Variants in SLC28A3 observed in about 807,000 individuals in gnomAD.
SLC28A3 encodes concentrative Na(+)-nucleoside cotransporter 3.
In SLC28A3, 68 loss-of-function variants were observed where a neutral mutation model predicts 84.2. That is an observed-to-expected ratio of 0.81 (90% CI 0.66 to 0.99). SLC28A3 has a LOEUF of 0.99. Among genes scored for constraint, SLC28A3 ranks in the 50% least tolerant of loss-of-function variants. The pLI is 0.00. For synonymous variants in SLC28A3, 267 were observed against 303.6 expected (o/e 0.88, Z 1.25); for missense variants, 712 against 841.5 (o/e 0.85, Z 1.90).
At chr9:84,358,784 A>C in the SLC28A3 span, among the ~76,000 whole-genome samples, 1 of 152,140 alleles carries the variant, frequency 6.6e-6, no homozygotes, top group African/African-American at 2.4e-5. Flanking sequence ...TGGAAAGAAG[A>C]CATTTTCTAA....
intron 17 of SLC28A3, 34 bp downstream of exon 17, chr9:84,279,231 G>T (rs1222475562): frequency 1.8e-5 from 28 of 1,561,442 alleles, no homozygotes; most frequent in Non-Finnish European, 2.4e-5. Context: ...ATTATTAATG[G>T]AGTATAAAGA....
At position 84,305,269 on chromosome 9, in the gene SLC28A3, C is replaced by T; in HGVS notation, c.319G>A (p.Gly107Ser). Residue 107 changes from glycine to serine, a missense_variant, in exon 4 of 18, where the codon GGC (glycine) becomes AGC (serine). Transcript: ENST00000376238. ...TGTTATTTACCTGCTAATAAAATGC[C>T]CCAGATGATGTGCCGAAGAGTTGTT... ...HKTTLRHIIW[G>S]ILLAGYLVMV... The T allele has an allele frequency of 6.2e-7, 1 of 1,612,966 alleles. No homozygotes were observed. Among genetic ancestry groups the T allele is most frequent in the Non-Finnish European group, 8.5e-7 (1 of 1,179,866 alleles).
rs767396836 is a variant in SLC28A3, at chr9:84,302,481, G to A, written c.335-92C>T. On this transcript the variant is annotated intron_variant, in intron 4 of 17. Transcript: ENST00000376238. ...CTTGTTCTGGCGCAGGTGAGGGGAG[G>A]TTTAATATCATTAAATATCACTGAA... 59 of 1,240,994 alleles carry A rather than the reference G, an allele frequency of 4.8e-5. 2 individuals carry two copies. The highest frequency in any genetic ancestry group is 5.9e-5 in the Non-Finnish European group (53 of 890,930). The allele number at this position is 1,240,994 out of a possible 1,614,324, so 76.9% of individuals were successfully genotyped here. A position where few individuals can be genotyped will look rare whatever the true frequency, so the allele number is the denominator to read the frequency against.
At position 84,280,884 on chromosome 9, in the gene SLC28A3, T is replaced by C. The variant is rs766494782; in HGVS notation, c.1648-2A>G. 1 of 1,614,030 alleles carries C rather than the reference T, an allele frequency of 6.2e-7. No homozygotes were observed. The stretch of plus-strand genomic sequence containing the variant: ...AGTGGCGATTATCTCAGAACGAATC[T>C]GTAAGCAAGCATAAACACATATGTA... On this transcript the variant is annotated splice_acceptor_variant, in intron 14 of 17. Transcript: ENST00000376238. LOFTEE classifies it high-confidence loss of function.
At chr9:84,362,684 A>G in the SLC28A3 span, among the ~76,000 whole-genome samples, 2 of 151,548 alleles carry the variant, frequency 1.3e-5, no homozygotes, top group Admixed American at 6.6e-5. Context: ...TAAATAAATA[A>G]ATTTAGGACT....
intron 8 of SLC28A3, among the ~76,000 whole-genome samples, chr9:84,294,658 G>C (rs1825350979): frequency 6.6e-6 from 1 of 152,210 alleles, no homozygotes; most frequent in Admixed American, 6.5e-5. Flanking sequence ...CAACCTCAGA[G>C]CCTTATTCTG....
At chr9:84,327,447 G>T (rs1826607302) in intron 1 of SLC28A3, among the ~76,000 whole-genome samples, 1 of 151,428 alleles carries the variant, frequency 6.6e-6, no homozygotes, top group Non-Finnish European at 1.5e-5. Flanking sequence ...CATGCTTTGT[G>T]GTGTCTTAAA....
the SLC28A3 span, among the ~76,000 whole-genome samples, chr9:84,353,615 C>T: frequency 6.6e-6 from 1 of 152,106 alleles, no homozygotes; most frequent in Non-Finnish European, 1.5e-5. Context: ...GAGGCTGAGG[C>T]AGGAGAATCA....
chr9:84,285,570 T>G, intron 13 of SLC28A3, 28 bp from the exon 14 acceptor site: 1 of 1,612,390 alleles, frequency 6.2e-7, no homozygotes, highest in Non-Finnish European at 8.5e-7. Context: ...AGACACTTGA[T>G]TAGAATAGTG....
upstream of SLC28A3, among the ~76,000 whole-genome samples, chr9:84,343,214 C>CAA (rs142008994): frequency 6.6e-6 from 1 of 150,506 alleles, no homozygotes; most frequent in African/African-American, 2.4e-5. Context: ...AAAACAAAAG[C>CAA]AAAAAAAAAT....
intron 10 of SLC28A3, among the ~76,000 whole-genome samples, chr9:84,290,790 T>A (rs1286455905): frequency 6.6e-6 from 1 of 152,062 alleles, no homozygotes; most frequent in African/African-American, 2.4e-5. Flanking sequence ...TGACAGACCC[T>A]AAACCTGTTT....
At chr9:84,327,939 AAAAG>A (rs980903785) in intron 1 of SLC28A3, among the ~76,000 whole-genome samples, 5 of 151,012 alleles carry the variant, frequency 3.3e-5, no homozygotes, top group Non-Finnish European at 7.4e-5. Flanking sequence ...AAAAAAAAAA[AAAAG>A]AAAGAAAAAT....
intron 10 of SLC28A3, 63 bp from the exon 11 acceptor site, chr9:84,290,342 G>T: frequency 6.3e-7 from 1 of 1,582,302 alleles, no homozygotes; most frequent in East Asian, 2.3e-5. Context: ...GGGAAGGCAT[G>T]CCAATCTACT....
chr9:84,289,077 G>A (rs1825110458), intron 11 of SLC28A3, among the ~76,000 whole-genome samples: 1 of 151,872 alleles, frequency 6.6e-6, no homozygotes, highest in South Asian at 2.1e-4. Context: ...CCCTCACATG[G>A]TTTCTGGATT....
the SLC28A3 span, among the ~76,000 whole-genome samples, chr9:84,359,243 T>C: frequency 6.6e-6 from 1 of 152,246 alleles, no homozygotes; most frequent in South Asian, 2.1e-4. Flanking sequence ...ATCTAGGATT[T>C]GGTTTAGGGC....
intron 1 of SLC28A3, among the ~76,000 whole-genome samples, chr9:84,334,569 G>A (rs191329077): frequency 1.1e-4 from 17 of 152,034 alleles, no homozygotes; most frequent in African/African-American, 3.6e-4. Flanking sequence ...GTGACAGTTC[G>A]CCTTATAAGT....
chr9:84,315,877 T>C (rs1319662161), intron 1 of SLC28A3, among the ~76,000 whole-genome samples: 1 of 152,238 alleles, frequency 6.6e-6, no homozygotes, highest in Non-Finnish European at 1.5e-5. Context: ...TAAATACCTT[T>C]GCACACTTAA....
intron 1 of SLC28A3, among the ~76,000 whole-genome samples, chr9:84,319,618 C>T (rs1019652556): frequency 8.5e-5 from 13 of 152,172 alleles, no homozygotes; most frequent in African/African-American, 2.4e-4. Context: ...CTTATTGTTG[C>T]TTTTGATACT....
intron 13 of SLC28A3, 95 bp from the exon 14 acceptor site, chr9:84,285,637 C>T (rs1824951835): frequency 3.8e-6 from 5 of 1,302,586 alleles, no homozygotes; most frequent in East Asian, 2.3e-5. Context: ...CCTCTGTCTC[C>T]TTTAGGCAAA....
Sources: allele counts gnomAD v4.1 joint callset (sites outside exome capture counted in the v4.1 genomes callset), GRCh38; gene constraint gnomAD v4.1.1; transcripts MANE v1.5; gene names NCBI Gene and HGNC (gene_info 2026-07-23, HGNC 2026-07-21).